The following STEAP4 variants were observed in gnomAD, a reference collection of about 807,000 sequenced individuals.
STEAP4 encodes metalloreductase STEAP4.
STEAP4 carries 36 observed loss-of-function variants against 43.6 expected under a neutral mutation model. The observed-to-expected ratio is 0.83, with a 90% CI of 0.63 to 1.09. STEAP4 has a LOEUF of 1.09. Ranked by LOEUF, STEAP4 falls within the 50% of genes least tolerant of loss-of-function variation. STEAP4 has a pLI of 0.00. For synonymous variants in STEAP4, 191 were observed against 196.7 expected, an observed-to-expected ratio of 0.97 and a Z score of 0.24; for missense variants, 495 against 546.5, an observed-to-expected ratio of 0.91 and a Z score of 0.94.
chr7:88,304,450 CAA>C (rs1210801640), intron 1 of STEAP4: 1 of 152,004 alleles, frequency 6.6e-6, no homozygotes, highest in Non-Finnish European at 1.5e-5. Context: ...AACAAACAAA[CAA>C]AATCCCACCC....
intron 1 of STEAP4, among the ~76,000 whole-genome samples, chr7:88,288,956 G>A (rs1852788481): frequency 6.6e-6 from 1 of 152,060 alleles, no homozygotes; most frequent in African/African-American, 2.4e-5. Context: ...TACTTTTGAA[G>A]AATATCTTTT....
chr7:88,282,505 A>G (rs1388716547), intron 3 of STEAP4, 136 bp downstream of exon 3: 4 of 899,394 alleles, frequency 4.4e-6, no homozygotes. Flanking sequence ...AAAAACTGAC[A>G]TGACATTTCT....
At chr7:88,304,813 A>ACAGAAT (rs1300088790) in intron 1 of STEAP4, among the ~76,000 whole-genome samples, 1 of 152,126 alleles carries the variant, frequency 6.6e-6, no homozygotes, top group African/African-American at 2.4e-5. Flanking sequence ...GAGAGTGACA[A>ACAGAAT]CAGAATCAGC....
Position 88,279,552 on chromosome 7 carries a change from G to T in STEAP4, c.1226C>A (p.Pro409His), listed in dbSNP as rs778666867. The stretch of plus-strand genomic sequence containing the variant: ...AGGAAGATACCATCTGAGATTTGAA[G>T]GGCTGAGGAATCTCTTCCCACCGTA... ...LVYGGKRFLS[P>H]SNLRWYLPAA... The change falls in exon 5 of 5, where the codon CCT becomes CAT. Residue 409 changes from proline to histidine, a missense_variant. Transcript: ENST00000380079. The T allele has an allele frequency of 6.2e-7, 1 of 1,614,030 alleles. No individual in the cohort carries two copies. The highest frequency in any genetic ancestry group is 8.5e-7 in the Non-Finnish European group (1 of 1,179,998).
chr7:88,281,174 C>G, intron 3 of STEAP4, 95 bp from the exon 4 acceptor site: 3 of 951,832 alleles, frequency 3.2e-6, no homozygotes, highest in Non-Finnish European at 4.3e-6. Flanking sequence ...ATTATTTGCT[C>G]AAAGCAAATT....
intron 3 of STEAP4, 25 bp from the exon 4 acceptor site, chr7:88,281,104 A>AAAACTACATTTTTAC: frequency 6.6e-7 from 1 of 1,510,078 alleles, no homozygotes; most frequent in East Asian, 2.5e-5. Context: ...AAGCAATTAC[A>AAAACTACATTTTTAC]AAACTACATT....
rs1586745521 is a variant in STEAP4, at chr7:88,284,326, A to T, written c.-2-55T>A. 3.2e-6 allele frequency: 4 copies of T among 1,233,382 alleles called. No individual in the cohort carries two copies. In the East Asian group the frequency reaches 9.5e-5, roughly 29 times the overall value. 76.4% of individuals were successfully genotyped at this position (1,233,382 alleles called of 1,614,324 possible). On this transcript the variant is annotated intron_variant, in intron 1 of 4. Coordinates refer to ENST00000380079, the MANE Select transcript of STEAP4 (RefSeq NM_024636.4). ...AAATATAAATGCTCTGTGCCTGGAA[A>T]ATTAAAGAGAGCTATATTCAAGAAG... is the stretch of plus-strand genomic sequence containing the variant.
chr7:88,289,292 A>G (rs13242854), intron 1 of STEAP4, among the ~76,000 whole-genome samples: 1 of 152,242 alleles, frequency 6.6e-6, no homozygotes, highest in East Asian at 1.9e-4. Context: ...TTAAAGAGTA[A>G]CCAATGGAGA....
intron 1 of STEAP4, among the ~76,000 whole-genome samples, chr7:88,298,008 T>C (rs1291933161): frequency 6.6e-6 from 1 of 152,160 alleles, no homozygotes; most frequent in African/African-American, 2.4e-5. Flanking sequence ...ATTTATTGAA[T>C]ACTGTATTGA....
At chr7:88,299,673 G>A (rs982544418) in intron 1 of STEAP4, among the ~76,000 whole-genome samples, 3 of 152,204 alleles carry the variant, frequency 2.0e-5, no homozygotes, top group Non-Finnish European at 4.4e-5. Flanking sequence ...AGATATTTGG[G>A]AAGTAATTTG....
At position 88,279,475 on chromosome 7, in the gene STEAP4, A is replaced by AC. The variant is rs772383429; in HGVS notation, c.1302dup (p.Phe435ValfsTer61). The AC allele has an allele frequency of 1.2e-6, 2 of 1,614,124 alleles. No individual in the cohort carries two copies. Among genetic ancestry groups the AC allele is most frequent in the South Asian group, 2.2e-5 (2 of 91,082 alleles). ...TCTACACATGGCATGATTAGGACAA[A>AC]CTTGATCACCAGCACAGTGCAAGGA... On this transcript the variant is annotated frameshift_variant, in exon 5 of 5. Coordinates refer to ENST00000380079, the MANE Select transcript of STEAP4 (RefSeq NM_024636.4). LOFTEE classifies it high-confidence loss of function.
intron 1 of STEAP4, among the ~76,000 whole-genome samples, chr7:88,295,696 G>A (rs779516195): frequency 1.3e-5 from 2 of 152,204 alleles, no homozygotes; most frequent in Non-Finnish European, 2.9e-5. Flanking sequence ...ATCTGAGGTA[G>A]AGCCCAGGCA....
In STEAP4 at chr7:88,280,955, A is replaced by T. The variant is rs368850625; in HGVS notation, c.1109T>A (p.Val370Asp). The part of the protein sequence containing the change: ...VLLGITSLPS[V>D]SNAVNWREFR... ...CTCTCTCCAGTTGACTGCATTGCTA[A>T]CAGATGGCAAAGAAGTGATTCCCAA... The change falls in exon 4 of 5, where the codon GTT (valine) becomes GAT (aspartate). Residue 370 changes from valine to aspartate, a missense_variant. Transcript: ENST00000380079. The T allele has an allele frequency of 1.9e-5, 31 of 1,612,352 alleles. No homozygotes were observed. Among genetic ancestry groups the T allele is most frequent in the Non-Finnish European group, 2.5e-5 (30 of 1,179,414 alleles).
At chr7:88,291,502 A>T (rs1180224129) in intron 1 of STEAP4, among the ~76,000 whole-genome samples, 1 of 148,668 alleles carries the variant, frequency 6.7e-6, no homozygotes, top group African/African-American at 2.4e-5. Flanking sequence ...GAAAAAAAAA[A>T]AAAAAGAAAA....
At chr7:88,300,764 C>T (rs1853018956) in intron 1 of STEAP4, among the ~76,000 whole-genome samples, 1 of 152,110 alleles carries the variant, frequency 6.6e-6, no homozygotes, top group Non-Finnish European at 1.5e-5. Context: ...GGAATGTGAC[C>T]ACAAAAATGG....
At chr7:88,283,555 TC>T (rs1411581772) in intron 2 of STEAP4, 18 of 546,044 alleles carry the variant, frequency 3.3e-5, no homozygotes, top group Non-Finnish European at 5.2e-5. Context: ...AGTATTAGTT[TC>T]TAGTACTGAC....
chr7:88,275,780 A>G lies in STEAP4; in HGVS notation c.*3618T>C, dbSNP rs1348334981. 6.6e-6 allele frequency: 1 copy of G among 152,156 alleles called. No individual in the cohort carries two copies. The highest frequency in any genetic ancestry group is 1.5e-5 in the Non-Finnish European group (1 of 68,026). 9.4% of individuals were successfully genotyped at this position (152,156 alleles called of 1,614,324 possible). The stretch of plus-strand genomic sequence containing the variant: ...TATGCTCTCAGAGGTGAAATGCATA[A>G]TATGCATTTATCATTATCATGGCTC... On this transcript the variant is annotated 3_prime_UTR_variant, in exon 5 of 5. Coordinates refer to ENST00000380079, the MANE Select transcript of STEAP4 (RefSeq NM_024636.4).
At chr7:88,305,617 C>G (rs1441059090) in intron 1 of STEAP4, among the ~76,000 whole-genome samples, 1 of 152,210 alleles carries the variant, frequency 6.6e-6, no homozygotes, top group African/African-American at 2.4e-5. Context: ...CTTTAAGATG[C>G]TCCTGTGGGA....
At chr7:88,306,224 AAGAATAATAAAATTCTGTCTCTGGAC>A (rs955508968) in intron 1 of STEAP4, among the ~76,000 whole-genome samples, 1 of 152,236 alleles carries the variant, frequency 6.6e-6, no homozygotes, top group Non-Finnish European at 1.5e-5. Context: ...AGGTGGGAAA[AAGAATAATAAAATTCTGTCTCTGGAC>A]AAACAAACGG....
Sources: gnomAD v4.1 joint callset for allele counts (sites outside exome capture counted in the v4.1 genomes callset) on GRCh38, gnomAD v4.1.1 for gene constraint, MANE v1.5 for transcripts, NCBI Gene and HGNC (gene_info 2026-07-23, HGNC 2026-07-21) for gene names.